KIAA1549: variants seen among roughly 807,000 people sequenced by gnomAD.
KIAA1549 encodes KIAA1549.
Under a neutral mutation model 156.4 loss-of-function variants are expected in KIAA1549, and 70 were observed. The ratio of observed to expected loss-of-function variants is 0.45; its 90% CI spans 0.37 to 0.55. The LOEUF is 0.55. Ranked by LOEUF, KIAA1549 falls within the 20% of genes least tolerant of loss-of-function variation. KIAA1549 has a pLI of 0.00. For missense variants in KIAA1549, 2,428 were observed against 2,540.9 expected, an observed-to-expected ratio of 0.96 and a Z score of 0.96; for synonymous variants, 1,103 against 1,066.4, an observed-to-expected ratio of 1.03 and a Z score of -0.67.
intron 15 of KIAA1549, among the ~76,000 whole-genome samples, chr7:138,863,925 AC>A (rs1810660177): frequency 6.6e-6 from 1 of 152,110 alleles, no homozygotes; most frequent in African/African-American, 2.4e-5. Context: ...CTTGGAAGGA[AC>A]CTGTGCTCCT....
chr7:138,960,936 A>G (rs942011590), intron 1 of KIAA1549, among the ~76,000 whole-genome samples: 2 of 152,216 alleles, frequency 1.3e-5, no homozygotes, highest in Non-Finnish European at 2.9e-5. Flanking sequence ...ACTCCACACA[A>G]TAAGGGACAT....
At chr7:138,877,095 G>A (rs1357495200) in intron 12 of KIAA1549, among the ~76,000 whole-genome samples, 1 of 152,168 alleles carries the variant, frequency 6.6e-6, no homozygotes, top group African/African-American at 2.4e-5. Flanking sequence ...ATGGCAACAT[G>A]GAAGAGGGCT....
Position 138,921,860 on chromosome 7 carries a change from G to A in KIAA1549, c.188-2422C>T, listed in dbSNP as rs143008870. On this transcript the variant is annotated intron_variant, in intron 1 of 19. Coordinates refer to ENST00000422774, the MANE Select transcript of KIAA1549 (RefSeq NM_001164665.2). ...AGCCTGGGAGACAAAGTGAGACTCCGTCTCAAAAAAAAATAAAAATAAAAA... is the reference window on the plus strand; with the variant it reads ...AGCCTGGGAGACAAAGTGAGACTCCATCTCAAAAAAAAATAAAAATAAAAA... 1.3e-4 allele frequency among the ~76,000 whole-genome samples: 19 copies of A among 151,730 alleles called. No homozygotes were observed. The East Asian group carries it at 3.1e-3, about 25-fold the overall frequency.
At position 138,918,099 on chromosome 7, in the gene KIAA1549, G is replaced by A. The variant is rs373138309; in HGVS notation, c.1527C>T (p.Ala509=). Residue 509 remains alanine (A), a synonymous_variant, in exon 2 of 20, where the codon GCC becomes GCT. Transcript: ENST00000422774. The surrounding 1 kb of genome is among the most constrained non-coding windows in gnomAD (Gnocchi z 4.2). ...TTGTAACACTACTCATATCCACCTC[G>A]GCAGAAATGCCAACACTCGTCTCTG... The part of the protein sequence containing the change: ...EISETSVGIS[A]EVDMSSVTTT... 3.1e-5 allele frequency: 50 copies of A among 1,613,726 alleles called. No individual in the cohort carries two copies. The highest frequency in any genetic ancestry group is 2.4e-4 in the African/African-American group (18 of 74,914).
Position 138,903,674 on chromosome 7 carries a change from T to G in KIAA1549, c.3583A>C (p.Lys1195Gln), listed in dbSNP as rs1415983934. 1.9e-6 allele frequency: 3 copies of G among 1,611,830 alleles called. No individual in the cohort carries two copies. The highest frequency in any genetic ancestry group is 2.5e-6 in the Non-Finnish European group (3 of 1,179,056). Residue 1195 changes from lysine to glutamine, a missense_variant, in exon 8 of 20, where the codon AAG becomes CAG. By Grantham distance (53) the Lys-to-Gln change is moderately conservative. Around this residue, in one of 5 missense-constraint regions of KIAA1549, gnomAD observed 762 missense variants for 901.6 expected, o/e 0.85. Coordinates refer to ENST00000422774, the MANE Select transcript of KIAA1549 (RefSeq NM_001164665.2). ...NEVFQAEMER[K>Q]LAQLLSEVST... Reference sequence around the variant, plus strand: ...ACCTCGCTGAGCAGCTGGGCCAGCTTGCGTTCCATCTCGGCTTGAAACACT... The same window carrying G: ...ACCTCGCTGAGCAGCTGGGCCAGCTGGCGTTCCATCTCGGCTTGAAACACT...
At chr7:138,856,210 T>G (rs1810387626) in intron 16 of KIAA1549, among the ~76,000 whole-genome samples, 1 of 151,654 alleles carries the variant, frequency 6.6e-6, no homozygotes, top group East Asian at 1.9e-4. Context: ...TTTTTTTTTT[T>G]TGTATCTTTA....
At chr7:138,853,992 T>C in intron 16 of KIAA1549, among the ~76,000 whole-genome samples, 1 of 152,196 alleles carries the variant, frequency 6.6e-6, no homozygotes, top group Non-Finnish European at 1.5e-5. Flanking sequence ...TGTATCTTTG[T>C]AGTGTGAGGA....
chr7:138,834,789 G>A lies in KIAA1549; in HGVS notation c.*3117C>T, dbSNP rs566154543. The A allele has an allele frequency of 8.6e-6, 2 of 232,418 alleles. No homozygotes were observed. Among genetic ancestry groups the A allele is most frequent in the East Asian group, 1.2e-4 (2 of 16,504 alleles). 14.4% of individuals were successfully genotyped at this position (232,418 alleles called of 1,614,324 possible). A position where few individuals can be genotyped will look rare whatever the true frequency, so the allele number is the denominator to read the frequency against. ...CCTAGGGCGTCCACATAGACAGCATGCTACATTTTCACAGTGCTTTATGCT... is the reference window on the plus strand; with the variant it reads ...CCTAGGGCGTCCACATAGACAGCATACTACATTTTCACAGTGCTTTATGCT... On this transcript the variant is annotated 3_prime_UTR_variant, in exon 20 of 20. Coordinates refer to ENST00000422774, the MANE Select transcript of KIAA1549 (RefSeq NM_001164665.2).
intron 1 of KIAA1549, among the ~76,000 whole-genome samples, chr7:138,977,038 C>G (rs936566819): frequency 6.6e-6 from 1 of 152,012 alleles, no homozygotes; most frequent in Admixed American, 6.6e-5. Context: ...CTAGAAATGG[C>G]CAATAATAAA....
intron 12 of KIAA1549, among the ~76,000 whole-genome samples, chr7:138,873,825 G>A (rs1488040330): frequency 6.6e-6 from 1 of 151,678 alleles, no homozygotes; most frequent in Non-Finnish European, 1.5e-5. Context: ...CCAAGCGGAG[G>A]AGAGGAAATA....
chr7:138,866,965 G>C (rs1309653749), intron 15 of KIAA1549, among the ~76,000 whole-genome samples: 1 of 151,728 alleles, frequency 6.6e-6, no homozygotes, highest in Admixed American at 6.6e-5. Context: ...ACCACGCCTG[G>C]CTAATTTCTG....
At chr7:138,948,701 T>TA (rs1184703360) in intron 1 of KIAA1549, among the ~76,000 whole-genome samples, 1 of 151,556 alleles carries the variant, frequency 6.6e-6, no homozygotes, top group Non-Finnish European at 1.5e-5. Context: ...TGGCTTTTTT[T>TA]TTTTTTTTGA....
At position 138,917,013 on chromosome 7, in the gene KIAA1549, T is replaced by C. The variant is rs1430745497; in HGVS notation, c.2613A>G (p.Thr871=). The C allele has an allele frequency of 6.2e-7, 1 of 1,602,836 alleles. No individual in the cohort carries two copies. The highest frequency in any genetic ancestry group is 1.7e-5 in the Admixed American group (1 of 59,296). Residue 871 remains threonine, a synonymous_variant, in exon 2 of 20, where the codon ACA becomes ACG. Coordinates refer to ENST00000422774, the MANE Select transcript of KIAA1549 (RefSeq NM_001164665.2). ...AGGTGTTCAGTGGCACCTCTGTGGG[T>C]GTGAGTGATGGGCCCACGACGGTCA... ...TELTVVGPSL[T]PTEVPLNTST...
At chr7:138,916,727 C>T (rs1958658) in intron 2 of KIAA1549, 21 bp downstream of exon 2, 371,433 of 1,611,240 alleles carry the variant, frequency 0.23, 44,668 homozygotes, top group African/African-American at 0.35. Context: ...CCCAGAGAGG[C>T]GGCAGGAAGC....
chr7:138,919,720 T>C (rs79937827), intron 1 of KIAA1549, among the ~76,000 whole-genome samples: 3,874 of 151,954 alleles, frequency 0.025, 76 homozygotes, highest in Admixed American at 0.046. Context: ...CACAGAACCG[T>C]AGGATACTGG....
chr7:138,906,892 C>T, intron 6 of KIAA1549, 27 bp downstream of exon 6: 1 of 1,420,808 alleles, frequency 7.0e-7, no homozygotes, highest in Non-Finnish European at 9.3e-7. Context: ...ATCACCTCCC[C>T]AGCATGTCCA....
chr7:138,900,520 C>T (rs118187469), intron 8 of KIAA1549, among the ~76,000 whole-genome samples: 21 of 152,278 alleles, frequency 1.4e-4, no homozygotes, highest in Non-Finnish European at 2.8e-4. Context: ...TCCAGTGATA[C>T]CCACCTTGAT....
chr7:138,867,908 C>T (rs1023411087), intron 15 of KIAA1549, 67 bp downstream of exon 15: 4 of 1,547,414 alleles, frequency 2.6e-6, no homozygotes, highest in Non-Finnish European at 2.7e-6. Flanking sequence ...CTTCTCCTCC[C>T]CTTTCAGCGC....
intron 1 of KIAA1549, among the ~76,000 whole-genome samples, chr7:138,929,527 T>C (rs767777604): frequency 6.6e-6 from 1 of 152,214 alleles, no homozygotes; most frequent in Non-Finnish European, 1.5e-5. Flanking sequence ...TCTGTTAATG[T>C]TGATATTTTG....
Sources: allele counts gnomAD v4.1 joint callset (sites outside exome capture counted in the v4.1 genomes callset), GRCh38; gene constraint gnomAD v4.1.1; regional missense constraint gnomAD v4.1.1; non-coding constraint Gnocchi (gnomAD v3.1); transcripts MANE v1.5; gene names NCBI Gene and HGNC (gene_info 2026-07-23, HGNC 2026-07-21).